The following MYOF variants were observed in gnomAD, a reference collection of about 807,000 sequenced individuals.
MYOF encodes the protein fer-1-like 3, myoferlin.
MYOF carries 244 observed loss-of-function variants against 284.2 expected under a neutral mutation model. The observed-to-expected ratio is 0.86, with a 90% CI of 0.77 to 0.95. The LOEUF (loss-of-function observed/expected upper bound fraction) is 0.95, where lower values mean the gene tolerates loss of function less well. MYOF is among the 40% of genes least tolerant of loss of function. The pLI, the probability that MYOF is intolerant of heterozygous loss-of-function variation, is 0.00. For synonymous variants in MYOF, 904 were observed against 919.7 expected (o/e 0.98, Z 0.31); for missense variants, 2,496 against 2,560.6 (o/e 0.97, Z 0.54).
At chr10:93,364,190 G>A (rs1564652073) in intron 26 of MYOF, 115 bp from the exon 27 acceptor site, 2 of 764,226 alleles carry the variant, frequency 2.6e-6, no homozygotes, top group East Asian at 2.6e-5. Context: ...TTCCCTCCTC[G>A]CTTTACCCCT....
At chr10:93,472,220 T>C (rs1289673926) in intron 1 of MYOF, among the ~76,000 whole-genome samples, 1 of 152,218 alleles carries the variant, frequency 6.6e-6, no homozygotes, top group Non-Finnish European at 1.5e-5. Context: ...GAACCTACTA[T>C]GCCCACACCC....
At position 93,323,035 on chromosome 10, in the gene MYOF, T is replaced by C. The variant is rs375115817; in HGVS notation, c.5456+43A>G. The C allele has an allele frequency of 1.0e-5, 16 of 1,555,170 alleles. No individual in the cohort carries two copies. The African/African-American group carries it at 1.9e-4, about 19-fold the overall frequency. On this transcript the variant is annotated intron_variant, in intron 48 of 53. Transcript: ENST00000359263. ...ATGAAAACTCACGAAGGAGAGAGTC[T>C]GTTTCCCTGAGCTTGGCAAAGTCTC...
Position 93,402,225 on chromosome 10 carries a change from G to T in MYOF, c.990+7C>A. The T allele has an allele frequency of 6.2e-7, 1 of 1,606,922 alleles. No homozygotes were observed. Among genetic ancestry groups the T allele is most frequent in the Non-Finnish European group, 8.5e-7 (1 of 1,173,490 alleles). On this transcript the variant is annotated splice_region_variant and intron_variant, in intron 11 of 53. Transcript: ENST00000359263. ...AAGTGTAGAAAGTAGAGAATGTAGG[G>T]ACTCACAGGAGGCTCATCTCCGGTT...
intron 7 of MYOF, among the ~76,000 whole-genome samples, chr10:93,405,667 A>G (rs914261700): frequency 6.6e-5 from 10 of 152,226 alleles, no homozygotes; most frequent in Admixed American, 4.6e-4. Context: ...GCCATTTGAC[A>G]AGACTTGACA....
At chr10:93,357,326 C>G (rs1014066225) in intron 29 of MYOF, among the ~76,000 whole-genome samples, 3 of 152,198 alleles carry the variant, frequency 2.0e-5, no homozygotes, top group Admixed American at 2.0e-4. Flanking sequence ...ATTAAGTGAT[C>G]AGAATATGTT....
At position 93,335,951 on chromosome 10, in the gene MYOF, A is replaced by C; in HGVS notation, c.4533T>G (p.Asn1511Lys). The change falls in exon 41 of 54, where the codon AAT becomes AAG. Residue 1511 changes from asparagine (N) to lysine (K), a missense_variant. Physicochemically the swap from Asn to Lys is moderately conservative, Grantham distance 94. This residue lies in a region of MYOF where 2,436 missense variants were observed against 2,480.7 expected (regional missense o/e 0.98). Coordinates refer to ENST00000359263, the MANE Select transcript of MYOF (RefSeq NM_013451.4). ...ACTCTCCAACCACAGAAGGATCTTC[A>C]TTTTCATCCGACTTGCCTCGGTACA... ...FKLYRGKSDE[N>K]EDPSVVGEFK... is the part of the protein sequence containing the mutation. The C allele has an allele frequency of 1.2e-6, 2 of 1,614,196 alleles. No homozygotes were observed. The highest frequency in any genetic ancestry group is 1.7e-6 in the Non-Finnish European group (2 of 1,180,038).
intron 46 of MYOF, chr10:93,323,566 A>T: frequency 1.8e-6 from 1 of 561,548 alleles, no homozygotes; most frequent in Non-Finnish European, 3.1e-6. Context: ...TTCCATTCTC[A>T]CTCAGGGGTC....
At position 93,310,603 on chromosome 10, in the gene MYOF, T is replaced by C; in HGVS notation, c.5930A>G (p.Glu1977Gly). The C allele has an allele frequency of 6.2e-7, 1 of 1,614,210 alleles. No homozygotes were observed. Among genetic ancestry groups the C allele is most frequent in the Non-Finnish European group, 8.5e-7 (1 of 1,180,028 alleles). The change falls in exon 52 of 54, where the codon GAG (glutamate) becomes GGG (glycine). Residue 1977 changes from glutamate (E) to glycine (G), a missense_variant. Physicochemically the swap from Glu to Gly is moderately conservative, Grantham distance 98. Coordinates refer to ENST00000359263, the MANE Select transcript of MYOF (RefSeq NM_013451.4). ...EMTLEILNEK[E>G]ADERPAGKGR... ...CTTCCCGGCTGGCCTCTCGTCGGCC[T>C]CCTTCTCGTTGAGGATTTCCAATGT...
At chr10:93,323,489 G>T in intron 46 of MYOF, 131 bp from the exon 47 acceptor site, 1 of 823,004 alleles carries the variant, frequency 1.2e-6, no homozygotes, top group Non-Finnish European at 1.9e-6. Context: ...CCACATGGAA[G>T]GCAAGAAGTG....
intron 17 of MYOF, 53 bp from the exon 18 acceptor site, chr10:93,389,207 G>A: frequency 1.3e-6 from 2 of 1,559,992 alleles, no homozygotes; most frequent in Admixed American, 1.9e-5. Context: ...TCAATCTATT[G>A]AAATAAATAT....
chr10:93,423,608 T>C (rs1589545288), intron 5 of MYOF, among the ~76,000 whole-genome samples: 1 of 129,804 alleles, frequency 7.7e-6, no homozygotes, highest in Non-Finnish European at 1.6e-5. Flanking sequence ...CCAAGGTGGG[T>C]GGATCACGAG....
chr10:93,348,067 G>A (rs1844319060), intron 36 of MYOF, among the ~76,000 whole-genome samples: 1 of 152,196 alleles, frequency 6.6e-6, no homozygotes, highest in Non-Finnish European at 1.5e-5. Flanking sequence ...ATTACTCTAT[G>A]TGAAGAGTAC....
At chr10:93,315,626 A>G (rs1842582550) in intron 50 of MYOF, among the ~76,000 whole-genome samples, 1 of 152,168 alleles carries the variant, frequency 6.6e-6, no homozygotes, top group Non-Finnish European at 1.5e-5. Context: ...GGAATCAGGA[A>G]TGACCCTCAC....
intron 37 of MYOF, among the ~76,000 whole-genome samples, chr10:93,346,400 G>A (rs76521647): frequency 0.051 from 7,834 of 152,344 alleles, 305 homozygotes; most frequent in Middle Eastern, 0.082. Flanking sequence ...AGGATCAGCC[G>A]AATGAGGCTG....
intron 5 of MYOF, among the ~76,000 whole-genome samples, chr10:93,414,498 C>T (rs1848036777): frequency 6.6e-6 from 1 of 152,002 alleles, no homozygotes; most frequent in African/African-American, 2.4e-5. Flanking sequence ...GAGATCATGC[C>T]CCTGCACTCC....
intron 40 of MYOF, among the ~76,000 whole-genome samples, chr10:93,336,964 G>A (rs904565763): frequency 6.6e-6 from 1 of 150,824 alleles, no homozygotes; most frequent in South Asian, 2.1e-4. Context: ...AGACAGGCAG[G>A]CAGGAGGAAA....
intron 2 of MYOF, among the ~76,000 whole-genome samples, chr10:93,454,833 G>T (rs935814892): frequency 1.3e-5 from 2 of 151,868 alleles, no homozygotes; most frequent in East Asian, 1.9e-4. Context: ...TTTAAAATTA[G>T]CTGGGCATGG....
chr10:93,458,612 C>T (rs915335863), intron 1 of MYOF, among the ~76,000 whole-genome samples: 3 of 151,658 alleles, frequency 2.0e-5, no homozygotes, highest in African/African-American at 7.3e-5. Context: ...TGCCTATTAT[C>T]CCAGCTACTC....
chr10:93,460,369 A>G (rs538026331), intron 1 of MYOF, among the ~76,000 whole-genome samples: 1 of 152,336 alleles, frequency 6.6e-6, no homozygotes, highest in Non-Finnish European at 1.5e-5. Flanking sequence ...GTGTGAAAAG[A>G]TTCATTTGTT....
Sources: allele counts gnomAD v4.1 joint callset (sites outside exome capture counted in the v4.1 genomes callset), GRCh38; gene constraint gnomAD v4.1.1; regional missense constraint gnomAD v4.1.1; transcripts MANE v1.5; gene names NCBI Gene and HGNC (gene_info 2026-07-23, HGNC 2026-07-21).